The following CD5 variants were observed in gnomAD, a reference collection of about 807,000 sequenced individuals.
CD5 encodes the protein T-cell surface glycoprotein CD5.
CD5 carries 36 observed loss-of-function variants against 60.3 expected under a neutral mutation model. The observed-to-expected ratio is 0.60, with a 90% CI of 0.46 to 0.79. The LOEUF (loss-of-function observed/expected upper bound fraction) is 0.79, where lower values mean the gene tolerates loss of function less well. Ranked by LOEUF, CD5 falls within the 30% of genes least tolerant of loss-of-function variation. The pLI, the probability that CD5 is intolerant of heterozygous loss-of-function variation, is 0.00. For missense variants in CD5, 540 were observed against 630.6 expected (o/e 0.86, Z 1.54); for synonymous variants, 230 against 257.6 (o/e 0.89, Z 1.03).
At position 61,127,769 on chromosome 11, in the gene CD5, G is replaced by C. The variant is rs1289700933; in HGVS notation, c.*1484G>C. The C allele has an allele frequency of 6.6e-6, 1 of 152,168 alleles. No homozygotes were observed. Among genetic ancestry groups the C allele is most frequent in the Non-Finnish European group, 1.5e-5 (1 of 68,042 alleles). The allele number at this position is 152,168 out of a possible 1,614,324, so 9.4% of individuals were successfully genotyped here. ...TTTAATAAAAGCTCTTTCATCTATA[G>C]TTTGGCCACCATACAGTGGCCTCAA... On this transcript the variant is annotated 3_prime_UTR_variant, in exon 11 of 11. Transcript: ENST00000347785.
chr11:61,122,290 TGGTGGGTGGGTG>T (rs565706991), intron 6 of CD5, among the ~76,000 whole-genome samples: 7 of 84,690 alleles, frequency 8.3e-5, no homozygotes, highest in South Asian at 4.1e-4. Flanking sequence ...ATGGATGGAT[TGGTGGGTGGGTG>T]GGTGGGTGGG....
intron 5 of CD5, among the ~76,000 whole-genome samples, chr11:61,119,845 G>A (rs943004453): frequency 2.6e-5 from 4 of 152,178 alleles, no homozygotes; most frequent in Non-Finnish European, 4.4e-5. Context: ...AAGGGGAGTC[G>A]GCAGGACTTC....
At chr11:61,122,451 A>G (rs1590775414) in intron 6 of CD5, among the ~76,000 whole-genome samples, 1 of 150,208 alleles carries the variant, frequency 6.7e-6, no homozygotes, top group South Asian at 2.1e-4. Context: ...GGATGGTTGG[A>G]TGGATGGATG....
intron 2 of CD5, among the ~76,000 whole-genome samples, chr11:61,116,449 C>T (rs1860947528): frequency 7.5e-6 from 1 of 132,854 alleles, no homozygotes; most frequent in Non-Finnish European, 1.6e-5. Flanking sequence ...CACACACCAC[C>T]ACAAACACCA....
chr11:61,122,294 G>GGGTGGGTGGGTGGGTGGATGGATT (rs1861073658), intron 6 of CD5, among the ~76,000 whole-genome samples: 1 of 72,500 alleles, frequency 1.4e-5, no homozygotes, highest in African/African-American at 8.7e-5. Context: ...ATGGATTGGT[G>GGGTGGGTGGGTGGGTGGATGGATT]GGTGGGTGGG....
At position 61,102,564 on chromosome 11, in the gene CD5, C is replaced by T; in HGVS notation, c.4C>T (p.Pro2Ser). M[P>S]MGSLQPLATL... Reference sequence around the variant, plus strand: ...AGGCAAGAGAAGGCCAGAAACCATGCCCATGGGGTCTCTGCAACCGCTGGC... The same window carrying T: ...AGGCAAGAGAAGGCCAGAAACCATGTCCATGGGGTCTCTGCAACCGCTGGC... Residue 2 changes from proline (P) to serine (S), a missense_variant, in exon 1 of 11, where the codon CCC becomes TCC. By Grantham distance (74) the Pro-to-Ser change is moderately conservative (BLOSUM62 -1). Transcript: ENST00000347785. The T allele has an allele frequency of 1.3e-6, 2 of 1,585,020 alleles. No individual in the cohort carries two copies. Among genetic ancestry groups the T allele is most frequent in the Non-Finnish European group, 1.7e-6 (2 of 1,164,780 alleles).
chr11:61,127,669 CAAAAGGGAACTGAG>C lies in CD5; in HGVS notation c.*1386_*1399del, dbSNP rs1294049069. 6.6e-6 allele frequency: 1 copy of C among 152,162 alleles called. No individual in the cohort carries two copies. Among genetic ancestry groups the C allele is most frequent in the Non-Finnish European group, 1.5e-5 (1 of 68,034 alleles). The allele number at this position is 152,162 out of a possible 1,614,324, so 9.4% of individuals were successfully genotyped here. On this transcript the variant is annotated 3_prime_UTR_variant, in exon 11 of 11. Transcript: ENST00000347785. The stretch of plus-strand genomic sequence containing the variant: ...ATCTGGTGGAGGTGAGGGGGCTCCT[CAAAAGGGAACTGAG>C]AGGCTGCTCTTAGGGAGGGCAAAGG...
At chr11:61,116,230 TA>T (rs1345318739) in intron 2 of CD5, among the ~76,000 whole-genome samples, 2 of 152,036 alleles carry the variant, frequency 1.3e-5, no homozygotes, top group African/African-American at 4.8e-5. Context: ...TTTAAAAAAA[TA>T]TAAAAAGATC....
intron 1 of CD5, 149 bp from the exon 2 acceptor site, chr11:61,114,907 T>C (rs1037998502): frequency 6.8e-6 from 4 of 592,154 alleles, no homozygotes; most frequent in African/African-American, 3.7e-5. Flanking sequence ...GGTTCCAACC[T>C]GGAGTATGAA....
chr11:61,101,342 TCACACACA>T (rs1860680932), upstream of CD5, among the ~76,000 whole-genome samples: 1 of 35,614 alleles, frequency 2.8e-5, no homozygotes, highest in Non-Finnish European at 5.3e-5. Flanking sequence ...GAGATCACAT[TCACACACA>T]TCAACATGGA....
At chr11:61,100,967 A>T (rs1387710229), upstream of CD5, among the ~76,000 whole-genome samples, 2 of 140,044 alleles carry the variant, frequency 1.4e-5, no homozygotes, top group Non-Finnish European at 3.1e-5. Flanking sequence ...CAACATGGAG[A>T]TCACATTCAC....
At chr11:61,121,246 A>C (rs1157071989) in intron 5 of CD5, among the ~76,000 whole-genome samples, 1 of 152,146 alleles carries the variant, frequency 6.6e-6, no homozygotes, top group African/African-American at 2.4e-5. Context: ...GATGTTTCCA[A>C]GTGAGAAGTG....
chr11:61,099,860 CAT>C (rs1860636174), upstream of CD5, among the ~76,000 whole-genome samples: 1 of 151,838 alleles, frequency 6.6e-6, no homozygotes, highest in African/African-American at 2.4e-5. Flanking sequence ...AGAGATCACA[CAT>C]GTCAACATGG....
In CD5 at chr11:61,115,085, TA is replaced by T. The variant is rs1249362828; in HGVS notation, c.86del (p.Tyr29LeufsTer56). Reference sequence around the variant, plus strand: ...TTCCTGCCTCGGACGGCTCAGCTGGTATGACCCAGGTAAGGAAGAGCCACAT... The same window carrying T: ...TTCCTGCCTCGGACGGCTCAGCTGGTTGACCCAGGTAAGGAAGAGCCACAT... Reference protein sequence around the residue: ...VASCLGRLSWYDPDFQARLTR... With the variant: ...VASCLGRLSWXDPDFQARLTR... On this transcript the variant is annotated frameshift_variant, in exon 2 of 11. Coordinates refer to ENST00000347785, the MANE Select transcript of CD5 (RefSeq NM_014207.4). LOFTEE classifies it high-confidence loss of function. 1 of 1,557,982 alleles carries T rather than the reference TA, an allele frequency of 6.4e-7. No homozygotes were observed. The highest frequency in any genetic ancestry group is 2.4e-5 in the East Asian group (1 of 41,592).
intron 9 of CD5, 66 bp from the exon 10 acceptor site, chr11:61,125,685 C>T (rs1263466768): frequency 8.8e-7 from 1 of 1,138,938 alleles, no homozygotes. Flanking sequence ...TGGGCAGCGG[C>T]TCTAGGATCC....
At chr11:61,125,488 C>T (rs1468423196) in intron 9 of CD5, among the ~76,000 whole-genome samples, 1 of 152,170 alleles carries the variant, frequency 6.6e-6, no homozygotes, top group Non-Finnish European at 1.5e-5. Flanking sequence ...TGGATTCCTC[C>T]GGGCTAGAAG....
chr11:61,121,235 AGAT>A (rs1363269697), intron 5 of CD5, among the ~76,000 whole-genome samples: 1 of 152,322 alleles, frequency 6.6e-6, no homozygotes, highest in East Asian at 1.9e-4. Flanking sequence ...GATAATGACA[AGAT>A]GTTTCCAAGT....
intron 2 of CD5, 89 bp downstream of exon 2, chr11:61,115,183 C>A: frequency 1.6e-6 from 2 of 1,246,176 alleles, no homozygotes; most frequent in Non-Finnish European, 2.3e-6. Flanking sequence ...CTCGATGAAG[C>A]CATCACTTCT....
upstream of CD5, among the ~76,000 whole-genome samples, chr11:61,097,919 T>C (rs971266584): frequency 6.6e-6 from 1 of 152,134 alleles, no homozygotes; most frequent in Non-Finnish European, 1.5e-5. Context: ...GGCAAGAAAC[T>C]CAGATGAGAA....
Sources: allele counts gnomAD v4.1 joint callset (sites outside exome capture counted in the v4.1 genomes callset), GRCh38; gene constraint gnomAD v4.1.1; transcripts MANE v1.5; gene names NCBI Gene and HGNC (gene_info 2026-07-23, HGNC 2026-07-21).